Variants in NTNG1 observed in about 807,000 individuals in gnomAD.
The protein encoded by NTNG1 is netrin-G1.
Under a neutral mutation model 54.0 loss-of-function variants are expected in NTNG1, and 16 were observed. The observed-to-expected ratio is 0.30, with a 90% CI of 0.20 to 0.45. The LOEUF (loss-of-function observed/expected upper bound fraction) is 0.45, where lower values mean the gene tolerates loss of function less well. Among genes scored for constraint, NTNG1 ranks in the 20% least tolerant of loss-of-function variants. NTNG1 has a pLI of 1.00. For missense variants in NTNG1, 530 were observed against 678.7 expected, an observed-to-expected ratio of 0.78 and a Z score of 2.43; for synonymous variants, 255 against 263.1, an observed-to-expected ratio of 0.97 and a Z score of 0.30.
chr1:107,340,156 A>G (rs999597333), intron 3 of NTNG1, among the ~76,000 whole-genome samples: 15 of 152,062 alleles, frequency 9.9e-5, no homozygotes, highest in African/African-American at 3.6e-4. Context: ...ATCATTTTAA[A>G]TGGTTGATTA....
At chr1:107,168,491 A>G (rs1655979735) in intron 2 of NTNG1, among the ~76,000 whole-genome samples, 1 of 152,082 alleles carries the variant, frequency 6.6e-6, no homozygotes, top group Non-Finnish European at 1.5e-5. Flanking sequence ...ACTTGACACT[A>G]TGCCCCTGTC....
In NTNG1 at chr1:107,441,879, G is replaced by A. The variant is rs1179486774; in HGVS notation, c.1390+5080G>A. 2.0e-5 allele frequency among the ~76,000 whole-genome samples: 3 copies of A among 152,058 alleles called. No homozygotes were observed. In the East Asian group the frequency reaches 5.8e-4, roughly 30 times the overall value. ...TCAAAAGAAATATTTAAAAGGATTC[G>A]AGAGGAGTAATGTATGTCAAGCAGG... On this transcript the variant is annotated intron_variant, in intron 7 of 7. Transcript: ENST00000370068.
intron 4 of NTNG1, among the ~76,000 whole-genome samples, chr1:107,401,310 C>T (rs1673018161): frequency 6.6e-6 from 1 of 152,132 alleles, no homozygotes; most frequent in South Asian, 2.1e-4. Flanking sequence ...GAGGTTCTTC[C>T]ACATATGTGT....
At chr1:107,385,884 T>A (rs1167851481) in intron 3 of NTNG1, among the ~76,000 whole-genome samples, 1 of 151,078 alleles carries the variant, frequency 6.6e-6, no homozygotes, top group Non-Finnish European at 1.5e-5. Context: ...ATATTCAAAA[T>A]GTTGTGCAAC....
intron 3 of NTNG1, among the ~76,000 whole-genome samples, chr1:107,380,112 G>A (rs1460778730): frequency 1.3e-5 from 2 of 152,118 alleles, no homozygotes; most frequent in African/African-American, 4.8e-5. Flanking sequence ...TGACCTTCAG[G>A]GGAGGCCACA....
chr1:107,414,095 A>AAG (rs1236949424), intron 5 of NTNG1, among the ~76,000 whole-genome samples: 5 of 152,144 alleles, frequency 3.3e-5, no homozygotes, highest in African/African-American at 1.2e-4. Flanking sequence ...GATGTTAATA[A>AAG]ACTGTCTTTA....
intron 3 of NTNG1, among the ~76,000 whole-genome samples, chr1:107,371,774 G>A (rs532098696): frequency 1.3e-5 from 2 of 152,142 alleles, no homozygotes; most frequent in Admixed American, 1.3e-4. Flanking sequence ...TAACAGGCTG[G>A]TACCAAAACA....
intron 2 of NTNG1, among the ~76,000 whole-genome samples, chr1:107,164,482 G>C (rs1352544709): frequency 6.6e-6 from 1 of 152,216 alleles, no homozygotes; most frequent in Non-Finnish European, 1.5e-5. Flanking sequence ...AAGGTACTGA[G>C]CTAGAGGTAC....
At chr1:107,456,879 G>T (rs1389801971) in intron 7 of NTNG1, among the ~76,000 whole-genome samples, 1 of 152,190 alleles carries the variant, frequency 6.6e-6, no homozygotes, top group East Asian at 1.9e-4. Context: ...AGGCCATACT[G>T]GAATGCCAGG....
At chr1:107,314,140 C>T (rs1667189072) in intron 2 of NTNG1, among the ~76,000 whole-genome samples, 1 of 152,170 alleles carries the variant, frequency 6.6e-6, no homozygotes, top group Non-Finnish European at 1.5e-5. Context: ...TGTGGTGGCT[C>T]ATGCCTGTAA....
At chr1:107,426,677 T>C (rs544919866) in intron 5 of NTNG1, among the ~76,000 whole-genome samples, 20 of 151,916 alleles carry the variant, frequency 1.3e-4, no homozygotes, top group African/African-American at 4.8e-4. Context: ...GGGGGTGGGG[T>C]TCCATATGAA....
At chr1:107,235,405 C>T (rs1256021183) in intron 2 of NTNG1, among the ~76,000 whole-genome samples, 3 of 152,136 alleles carry the variant, frequency 2.0e-5, no homozygotes, top group Non-Finnish European at 2.9e-5. Flanking sequence ...GCAACCAAGC[C>T]GCTGGAGCCA....
chr1:107,461,204 G>A (rs6671808), intron 7 of NTNG1, among the ~76,000 whole-genome samples: 58,763 of 152,048 alleles, frequency 0.39, 11,896 homozygotes, highest in Non-Finnish European at 0.44. Flanking sequence ...TGGAAAACAG[G>A]GAAAGAAATA....
rs190655804 is a variant in NTNG1, at chr1:107,226,443, G to A, written c.246+77604G>A. 9.9e-5 allele frequency among the ~76,000 whole-genome samples: 15 copies of A among 152,040 alleles called. No homozygotes were observed. The East Asian group carries it at 2.1e-3, about 22-fold the overall frequency. On this transcript the variant is annotated intron_variant, in intron 2 of 7. Coordinates refer to ENST00000370068, the MANE Select transcript of NTNG1 (RefSeq NM_001113226.3). ...TAAGATAAGAATTTTGTTATTATGCGACAATAGTTTTATTAGGAATAAAAC... is the reference window on the plus strand; with the variant it reads ...TAAGATAAGAATTTTGTTATTATGCAACAATAGTTTTATTAGGAATAAAAC...
chr1:107,150,357 C>T (rs957626785), intron 2 of NTNG1, among the ~76,000 whole-genome samples: 5 of 152,164 alleles, frequency 3.3e-5, no homozygotes, highest in African/African-American at 9.6e-5. Context: ...TATGTGAGGT[C>T]TTTAATAATT....
At chr1:107,361,047 G>A (rs1279471094) in intron 3 of NTNG1, among the ~76,000 whole-genome samples, 1 of 149,226 alleles carries the variant, frequency 6.7e-6, no homozygotes, top group Non-Finnish European at 1.5e-5. Context: ...TTGCAATATG[G>A]AAGTACATAG....
intron 3 of NTNG1, among the ~76,000 whole-genome samples, chr1:107,338,197 G>C (rs1353669042): frequency 6.6e-6 from 1 of 151,992 alleles, no homozygotes; most frequent in South Asian, 2.1e-4. Context: ...GAAACATGAG[G>C]GTTGTGGATA....
At chr1:107,354,162 A>G (rs1434490738) in intron 3 of NTNG1, among the ~76,000 whole-genome samples, 1 of 152,022 alleles carries the variant, frequency 6.6e-6, no homozygotes, top group African/African-American at 2.4e-5. Flanking sequence ...CATTTATTGA[A>G]TAGTTGTAGA....
At chr1:107,269,183 T>C (rs960285188) in intron 2 of NTNG1, among the ~76,000 whole-genome samples, 3 of 152,192 alleles carry the variant, frequency 2.0e-5, no homozygotes, top group African/African-American at 7.2e-5. Flanking sequence ...TTACAAATCC[T>C]GTAGGACTCT....
Sources: gnomAD v4.1 joint callset for allele counts (sites outside exome capture counted in the v4.1 genomes callset) on GRCh38, gnomAD v4.1.1 for gene constraint, MANE v1.5 for transcripts, NCBI Gene and HGNC (gene_info 2026-07-23, HGNC 2026-07-21) for gene names.